SLC9A9: variants seen among roughly 807,000 people sequenced by gnomAD.
The protein encoded by SLC9A9 is sodium/hydrogen exchanger 9.
A neutral mutation model predicts 77.8 loss-of-function variants in SLC9A9; 62 were observed. The ratio of observed to expected loss-of-function variants is 0.80; its 90% CI spans 0.65 to 0.98. SLC9A9 has a LOEUF of 0.98. Among genes scored for constraint, SLC9A9 ranks in the 50% least tolerant of loss-of-function variants. The pLI is 0.00. For missense variants in SLC9A9, 775 were observed against 774.9 expected (o/e 1.00, Z 0.00); for synonymous variants, 320 against 283.5 (o/e 1.13, Z -1.29).
At chr3:143,663,208 G>A (rs960004428) in intron 5 of SLC9A9, among the ~76,000 whole-genome samples, 7 of 152,178 alleles carry the variant, frequency 4.6e-5, no homozygotes, top group Admixed American at 2.6e-4. Context: ...TCCAACAGAC[G>A]TGCAGCTGAG....
chr3:143,503,256 T>C (rs2035956060), intron 9 of SLC9A9: 3 of 237,138 alleles, frequency 1.3e-5, no homozygotes, highest in South Asian at 5.2e-5. Flanking sequence ...ACTCTCATGC[T>C]GTCACTGGGG....
chr3:143,313,481 A>G (rs547858820), intron 14 of SLC9A9, among the ~76,000 whole-genome samples: 17 of 152,314 alleles, frequency 1.1e-4, no homozygotes, highest in African/African-American at 4.1e-4. Context: ...CCTGGCAGCC[A>G]CAATGGCCAG....
At chr3:143,418,382 T>C (rs2037676) in intron 12 of SLC9A9, among the ~76,000 whole-genome samples, 106,822 of 151,852 alleles carry the variant, frequency 0.7, 38,538 homozygotes, top group African/African-American at 0.88. Context: ...TTTGCTGCCC[T>C]TCTCCCTCAA....
At chr3:143,506,902 G>A (rs778737811) in intron 9 of SLC9A9, among the ~76,000 whole-genome samples, 17 of 152,082 alleles carry the variant, frequency 1.1e-4, no homozygotes, top group South Asian at 2.1e-4. Flanking sequence ...AATTAAAATC[G>A]TGTCTTTAAA....
At chr3:143,790,973 A>G (rs2008200008) in intron 4 of SLC9A9, among the ~76,000 whole-genome samples, 1 of 152,232 alleles carries the variant, frequency 6.6e-6, no homozygotes, top group Non-Finnish European at 1.5e-5. Context: ...AACAAAATGT[A>G]TGTGCTGACA....
At chr3:143,303,996 A>T (rs1432904308) in intron 14 of SLC9A9, among the ~76,000 whole-genome samples, 1 of 152,244 alleles carries the variant, frequency 6.6e-6, no homozygotes. Flanking sequence ...TTACTGGCAC[A>T]GATTTCCAGA....
intron 14 of SLC9A9, among the ~76,000 whole-genome samples, chr3:143,330,046 C>T (rs1003982699): frequency 8.5e-5 from 13 of 152,120 alleles, no homozygotes; most frequent in African/African-American, 3.1e-4. Flanking sequence ...GGAATTTGGC[C>T]TGGCTGTGAC....
intron 13 of SLC9A9, among the ~76,000 whole-genome samples, chr3:143,369,482 T>C (rs2032993875): frequency 6.6e-6 from 1 of 152,134 alleles, no homozygotes; most frequent in Non-Finnish European, 1.5e-5. Flanking sequence ...TTCAAATAGC[T>C]AGAAGAGAGG....
chr3:143,560,117 G>C (rs1282514174), intron 8 of SLC9A9, among the ~76,000 whole-genome samples: 4 of 152,182 alleles, frequency 2.6e-5, no homozygotes, highest in African/African-American at 9.7e-5. Flanking sequence ...CAGGACTCTG[G>C]GTATTAATGT....
chr3:143,614,969 C>T lies in SLC9A9; in HGVS notation c.756-36246G>A, dbSNP rs556721619. On this transcript the variant is annotated intron_variant, in intron 6 of 15. Transcript: ENST00000316549. ...TGGTCCTCTTGCAAATAAGAAGAAA[C>T]GGGGTTCTTGGTATAGGCCCTCATG... 2.6e-4 allele frequency among the ~76,000 whole-genome samples: 40 copies of T among 152,054 alleles called. No individual in the cohort carries two copies. The South Asian group carries it at 4.6e-3, about 17-fold the overall frequency.
At chr3:143,399,839 T>C (rs2033811260) in intron 12 of SLC9A9, among the ~76,000 whole-genome samples, 1 of 152,122 alleles carries the variant, frequency 6.6e-6, no homozygotes, top group Non-Finnish European at 1.5e-5. Context: ...TTTCATTCAT[T>C]CTCTCCTTCA....
Position 143,495,347 on chromosome 3 carries a change from T to C in SLC9A9, c.1191A>G (p.Ile397Met), listed in dbSNP as rs749916099. ...FQNHIFNALF[I>M]LGAFLAIFVA... The stretch of plus-strand genomic sequence containing the variant: ...TTTCAAAGGATACAAAGGCTCCAAG[T>C]ATAAAAAGAGCATTAAAGATATGAT... The change falls in exon 10 of 16, where the codon ATA (isoleucine) becomes ATG (methionine). Residue 397 changes from isoleucine (I) to methionine (M), a missense_variant. By Grantham distance (10) the Ile-to-Met change is conservative. Transcript: ENST00000316549. The C allele has an allele frequency of 1.9e-6, 3 of 1,612,872 alleles. No homozygotes were observed. Among genetic ancestry groups the C allele is most frequent in the Non-Finnish European group, 2.5e-6 (3 of 1,178,870 alleles).
At chr3:143,692,795 AAC>A (rs1933511405) in intron 5 of SLC9A9, among the ~76,000 whole-genome samples, 1 of 152,158 alleles carries the variant, frequency 6.6e-6, no homozygotes, top group South Asian at 2.1e-4. Flanking sequence ...AAAATACACT[AAC>A]ACTAACGATA....
chr3:143,280,065 C>A (rs1391192133), intron 14 of SLC9A9, among the ~76,000 whole-genome samples: 1 of 152,134 alleles, frequency 6.6e-6, no homozygotes, highest in East Asian at 1.9e-4. Context: ...AAGCAATTCT[C>A]CCGCCTTAGC....
chr3:143,660,459 G>C (rs1051444560), intron 5 of SLC9A9, among the ~76,000 whole-genome samples: 1 of 152,160 alleles, frequency 6.6e-6, no homozygotes, highest in African/African-American at 2.4e-5. Flanking sequence ...ACTGCATTCT[G>C]TCAACAACCT....
intron 2 of SLC9A9, among the ~76,000 whole-genome samples, chr3:143,803,241 A>G (rs2008616773): frequency 6.6e-6 from 1 of 152,038 alleles, no homozygotes; most frequent in South Asian, 2.1e-4. Context: ...ACTCTCCCCT[A>G]CTTCCCTTAA....
Position 143,612,821 on chromosome 3 carries a change from T to C in SLC9A9, c.756-34098A>G, listed in dbSNP as rs569307678. 2.0e-5 allele frequency among the ~76,000 whole-genome samples: 3 copies of C among 152,332 alleles called. No individual in the cohort carries two copies. The East Asian group carries it at 5.8e-4, about 29-fold the overall frequency. On this transcript the variant is annotated intron_variant, in intron 6 of 15. Coordinates refer to ENST00000316549, the MANE Select transcript of SLC9A9 (RefSeq NM_173653.4). The stretch of plus-strand genomic sequence containing the variant: ...GTGAATACTGTGATTTCAACTTGAA[T>C]ATTACACATAAACAAAAAGAATTAT...
At chr3:143,766,611 C>A (rs2007325852) in intron 4 of SLC9A9, among the ~76,000 whole-genome samples, 1 of 152,126 alleles carries the variant, frequency 6.6e-6, no homozygotes, top group Non-Finnish European at 1.5e-5. Flanking sequence ...ACTGTGTCAC[C>A]CAGACTGGAG....
At chr3:143,424,470 G>A (rs965039896) in intron 12 of SLC9A9, among the ~76,000 whole-genome samples, 8 of 151,722 alleles carry the variant, frequency 5.3e-5, no homozygotes, top group Non-Finnish European at 1.0e-4. Context: ...GTAGAGACGG[G>A]GTTTCACTGT....
Sources: gnomAD v4.1 joint callset for allele counts (sites outside exome capture counted in the v4.1 genomes callset) on GRCh38, gnomAD v4.1.1 for gene constraint, MANE v1.5 for transcripts, NCBI Gene and HGNC (gene_info 2026-07-23, HGNC 2026-07-21) for gene names.